Variants in RBPJ observed in about 807,000 individuals in gnomAD.
The protein encoded by RBPJ is recombining binding protein suppressor of hairless.
Under a neutral mutation model 67.8 loss-of-function variants are expected in RBPJ, and 9 were observed. The observed-to-expected ratio is 0.13, with a 90% CI of 0.08 to 0.23. RBPJ has a LOEUF of 0.23. RBPJ is among the 10% of genes least tolerant of loss of function. RBPJ has a pLI of 1.00. For missense variants in RBPJ, 305 were observed against 595.6 expected (o/e 0.51, Z 5.08); for synonymous variants, 198 against 203.3 (o/e 0.97, Z 0.22).
intron 1 of RBPJ, among the ~76,000 whole-genome samples, chr4:26,290,261 C>T (rs1721622498): frequency 6.9e-6 from 1 of 144,994 alleles, no homozygotes; most frequent in South Asian, 2.1e-4. Context: ...TTCACTTGAG[C>T]TCAGGAGTTT....
intron 1 of RBPJ, among the ~76,000 whole-genome samples, chr4:26,364,715 C>G (rs530985575): frequency 7.7e-4 from 114 of 148,058 alleles, no homozygotes; most frequent in Non-Finnish European, 1.4e-3. Context: ...CAACCTCTAC[C>G]TCCCGGTTCA....
intron 1 of RBPJ, among the ~76,000 whole-genome samples, chr4:26,294,517 A>G (rs1370099313): frequency 9.9e-5 from 15 of 152,178 alleles, no homozygotes; most frequent in Admixed American, 9.8e-4. Flanking sequence ...GAAGCAGGGA[A>G]GGTAACACAG....
intron 1 of RBPJ, among the ~76,000 whole-genome samples, chr4:26,221,624 G>A (rs1473234910): frequency 6.6e-6 from 1 of 152,198 alleles, no homozygotes; most frequent in Non-Finnish European, 1.5e-5. Context: ...TGAAAAGTGA[G>A]AGTAGGAGAG....
chr4:26,255,112 T>G (rs1720255157), intron 1 of RBPJ, among the ~76,000 whole-genome samples: 1 of 147,604 alleles, frequency 6.8e-6, no homozygotes, highest in Non-Finnish European at 1.5e-5. Flanking sequence ...TGCCCTAGAA[T>G]GTAACATCTA....
chr4:26,291,248 C>T (rs1366108908), intron 1 of RBPJ, among the ~76,000 whole-genome samples: 2 of 151,022 alleles, frequency 1.3e-5, no homozygotes, highest in African/African-American at 4.9e-5. Flanking sequence ...GGGTTAACAT[C>T]TGCATCATTG....
At chr4:26,154,441 G>A in the RBPJ span, among the ~76,000 whole-genome samples, 10 of 152,276 alleles carry the variant, frequency 6.6e-5, no homozygotes, top group South Asian at 2.1e-4. Context: ...GGGAAACACC[G>A]TGTGGACTCA....
intron 1 of RBPJ, among the ~76,000 whole-genome samples, chr4:26,285,088 C>T (rs1175960462): frequency 2.6e-5 from 4 of 152,060 alleles, no homozygotes; most frequent in Admixed American, 2.0e-4. Flanking sequence ...AACTCCTGAC[C>T]TTGTGATCCG....
chr4:26,341,633 C>CAAACA (rs1553865864), intron 1 of RBPJ, among the ~76,000 whole-genome samples: 6 of 144,360 alleles, frequency 4.2e-5, no homozygotes, highest in African/African-American at 1.5e-4. Context: ...CAAAACAAAA[C>CAAACA]AAAAAAAAAC....
the RBPJ span, among the ~76,000 whole-genome samples, chr4:26,142,192 A>G: frequency 6.6e-6 from 1 of 152,236 alleles, no homozygotes; most frequent in Non-Finnish European, 1.5e-5. Context: ...GTGAGTAGTC[A>G]CCAACTTGAA....
chr4:26,173,434 C>T (rs1278770907), intron 1 of RBPJ, among the ~76,000 whole-genome samples: 1 of 152,180 alleles, frequency 6.6e-6, no homozygotes, highest in African/African-American at 2.4e-5. Flanking sequence ...CTGCGCCCGG[C>T]TTGCAGTAGG....
chr4:26,338,147 T>C (rs1458049942), intron 1 of RBPJ, among the ~76,000 whole-genome samples: 2 of 148,158 alleles, frequency 1.3e-5, no homozygotes, highest in Non-Finnish European at 3.0e-5. Flanking sequence ...CTTATGTGTA[T>C]TTTTCTTTCT....
chr4:26,191,247 A>AGAGAGAGAGG (rs1560204250), intron 1 of RBPJ, among the ~76,000 whole-genome samples: 1 of 130,466 alleles, frequency 7.7e-6, no homozygotes, highest in Non-Finnish European at 1.6e-5. Context: ...AGAGATAGAG[A>AGAGAGAGAGG]GAGAGAGAGG....
the RBPJ span, among the ~76,000 whole-genome samples, chr4:26,124,462 A>ATATATATATAT: frequency 3.7e-5 from 4 of 107,954 alleles, no homozygotes; most frequent in Non-Finnish European, 7.5e-5. Flanking sequence ...ATATATATAT[A>ATATATATATAT]CCAGTTTCTT....
At chr4:26,343,453 T>C (rs1336927147) in intron 1 of RBPJ, among the ~76,000 whole-genome samples, 1 of 152,242 alleles carries the variant, frequency 6.6e-6, no homozygotes, top group Non-Finnish European at 1.5e-5. Context: ...TATTGGGTTA[T>C]TTGAAGCTAC....
intron 1 of RBPJ, among the ~76,000 whole-genome samples, chr4:26,344,419 T>G (rs1725912433): frequency 6.6e-6 from 1 of 151,300 alleles, no homozygotes; most frequent in Non-Finnish European, 1.5e-5. Context: ...GTATTTTTAG[T>G]AGAGACGGGG....
At chr4:26,338,144 G>T (rs1384637375) in intron 1 of RBPJ, among the ~76,000 whole-genome samples, 5 of 119,740 alleles carry the variant, frequency 4.2e-5, no homozygotes, top group African/African-American at 9.6e-5. Context: ...ATTCTTATGT[G>T]TATTTTTCTT....
In RBPJ at chr4:26,431,061, A is replaced by C; in HGVS notation, c.*54A>C. ...GACTTGAGTGTGGCAAAAAGTTAACAAAAAAGGAGAAAAAATGAACAATCG... is the reference window on the plus strand; with the variant it reads ...GACTTGAGTGTGGCAAAAAGTTAACCAAAAAGGAGAAAAAATGAACAATCG... On this transcript the variant is annotated 3_prime_UTR_variant, in exon 11 of 11. Transcript: ENST00000355476. 6.8e-7 allele frequency: 1 copy of C among 1,462,246 alleles called. No individual in the cohort carries two copies. The highest frequency in any genetic ancestry group is 9.4e-7 in the Non-Finnish European group (1 of 1,060,892). The allele number at this position is 1,462,246 out of a possible 1,614,324, so 90.6% of individuals were successfully genotyped here.
At chr4:26,428,539 TAA>T in intron 7 of RBPJ, 179 bp from the exon 8 acceptor site, 1 of 530,496 alleles carries the variant, frequency 1.9e-6, no homozygotes, top group Non-Finnish European at 3.3e-6. Flanking sequence ...GCTTGCAATC[TAA>T]AAGTGTTTTT....
At chr4:26,201,316 A>T (rs777501870) in intron 1 of RBPJ, among the ~76,000 whole-genome samples, 7 of 152,182 alleles carry the variant, frequency 4.6e-5, no homozygotes, top group Non-Finnish European at 8.8e-5. Flanking sequence ...AGGATGGTGT[A>T]ACTTTTACTT....
Sources: allele counts gnomAD v4.1 joint callset (sites outside exome capture counted in the v4.1 genomes callset), GRCh38; gene constraint gnomAD v4.1.1; transcripts MANE v1.5; gene names NCBI Gene and HGNC (gene_info 2026-07-23, HGNC 2026-07-21).